Variants in PPM1B observed in about 807,000 individuals in gnomAD.
The protein encoded by PPM1B is protein phosphatase, Mg2+/Mn2+ dependent 1B, also known as protein phosphatase 1B.
PPM1B carries 22 observed loss-of-function variants against 43.0 expected under a neutral mutation model. The observed-to-expected ratio is 0.51, with a 90% CI of 0.37 to 0.73. The LOEUF (loss-of-function observed/expected upper bound fraction) is 0.73. Ranked by LOEUF, PPM1B falls within the 30% of genes least tolerant of loss-of-function variation. PPM1B has a pLI of 0.00. For missense variants in PPM1B, 632 were observed against 584.2 expected (o/e 1.08, Z -0.84); for synonymous variants, 217 against 197.9 (o/e 1.10, Z -0.81).
At chr2:44,189,177 C>A (rs1418430050) in intron 1 of PPM1B, among the ~76,000 whole-genome samples, 1 of 152,006 alleles carries the variant, frequency 6.6e-6, no homozygotes, top group Non-Finnish European at 1.5e-5. Context: ...CAGCCAGCTG[C>A]CTTTGTTTCT....
chr2:44,210,557 T>TA (rs1011827093), intron 3 of PPM1B, among the ~76,000 whole-genome samples: 1 of 152,132 alleles, frequency 6.6e-6, no homozygotes, highest in African/African-American at 2.4e-5. Context: ...GCAGAAGTAT[T>TA]ACAGGATCTC....
chr2:44,177,476 T>C (rs1473923170), intron 1 of PPM1B, among the ~76,000 whole-genome samples: 1 of 146,712 alleles, frequency 6.8e-6, no homozygotes, highest in Non-Finnish European at 1.5e-5. Flanking sequence ...TGGAGTGTAG[T>C]GGCATGATCT....
chr2:44,201,224 A>G lies in PPM1B; in HGVS notation c.25A>G (p.Lys9Glu), dbSNP rs745339589. 4 of 1,595,894 alleles carry G rather than the reference A, an allele frequency of 2.5e-6. No homozygotes were observed. The highest frequency in any genetic ancestry group is 2.6e-6 in the Non-Finnish European group (3 of 1,168,654). The change falls in exon 2 of 6, where the codon AAA becomes GAA. Residue 9 changes from lysine (K) to glutamate (E), a missense_variant. Physicochemically the swap from Lys to Glu is moderately conservative, Grantham distance 56. Coordinates refer to ENST00000282412, the MANE Select transcript of PPM1B (RefSeq NM_002706.6). This position sits in a 1 kb window ranked among gnomAD's most constrained non-coding sequence, Gnocchi z 5.4. ...CATGGGTGCATTTTTGGATAAACCC[A>G]AAACTGAAAAACATAATGCTCATGG... is the stretch of plus-strand genomic sequence containing the variant. MGAFLDKP[K>E]TEKHNAHGAG...
intron 5 of PPM1B, among the ~76,000 whole-genome samples, chr2:44,221,049 T>C (rs371295879): frequency 6.6e-6 from 1 of 152,182 alleles, no homozygotes; most frequent in African/African-American, 2.4e-5. Context: ...ACCTTATGTT[T>C]AGAGCATAAG....
chr2:44,199,994 C>G (rs570569004), intron 1 of PPM1B, among the ~76,000 whole-genome samples: 42 of 152,132 alleles, frequency 2.8e-4, no homozygotes, highest in Middle Eastern at 3.4e-3. Flanking sequence ...TTGATCTAGA[C>G]CAGTGTCTCT....
chr2:44,180,386 C>T (rs1318428963), intron 1 of PPM1B, among the ~76,000 whole-genome samples: 5 of 152,080 alleles, frequency 3.3e-5, no homozygotes, highest in African/African-American at 4.8e-5. Context: ...ATTAGTGTGT[C>T]GTCTGTCCAC....
chr2:44,206,015 CA>C (rs1005816840), intron 2 of PPM1B, among the ~76,000 whole-genome samples: 1 of 151,852 alleles, frequency 6.6e-6, no homozygotes, highest in African/African-American at 2.4e-5. Flanking sequence ...GACTCCGTGT[CA>C]AAAAAACAAA....
At chr2:44,206,174 TAATC>T (rs771733860) in intron 2 of PPM1B, among the ~76,000 whole-genome samples, 1 of 152,224 alleles carries the variant, frequency 6.6e-6, no homozygotes. Context: ...GAACATGTAA[TAATC>T]AATTTTTATA....
At chr2:44,185,779 G>A (rs779650922) in intron 1 of PPM1B, among the ~76,000 whole-genome samples, 1 of 152,160 alleles carries the variant, frequency 6.6e-6, no homozygotes, top group Admixed American at 6.5e-5. Context: ...GGACCTGGGT[G>A]TGGTCAATGC....
chr2:44,207,347 G>T (rs1669236805), intron 2 of PPM1B, among the ~76,000 whole-genome samples: 1 of 152,030 alleles, frequency 6.6e-6, no homozygotes, highest in Non-Finnish European at 1.5e-5. Flanking sequence ...CACTTGAGTT[G>T]GCAAATTTGG....
At chr2:44,232,263 A>G (rs903866579), downstream of PPM1B, 16 of 1,576,204 alleles carry the variant, frequency 1.0e-5, no homozygotes, top group African/African-American at 8.3e-5. Context: ...ATTCAATCCA[A>G]TCTGGAAGTG....
At chr2:44,205,445 A>G (rs865982255) in intron 2 of PPM1B, among the ~76,000 whole-genome samples, 12 of 147,856 alleles carry the variant, frequency 8.1e-5, no homozygotes, top group Middle Eastern at 6.9e-3. Context: ...CATTAAGACT[A>G]AATTTTTTTT....
chr2:44,219,693 C>A (rs1669883152), intron 5 of PPM1B, among the ~76,000 whole-genome samples: 1 of 152,042 alleles, frequency 6.6e-6, no homozygotes, highest in Non-Finnish European at 1.5e-5. Flanking sequence ...CCTGTAATCC[C>A]AGCAGTTTGG....
intron 3 of PPM1B, among the ~76,000 whole-genome samples, chr2:44,217,472 C>T (rs1328775424): frequency 6.7e-6 from 1 of 150,350 alleles, no homozygotes; most frequent in Non-Finnish European, 1.5e-5. Flanking sequence ...TTTTTAATTT[C>T]TCCCCTTTTT....
chr2:44,195,862 A>G (rs1558403682), intron 1 of PPM1B, among the ~76,000 whole-genome samples: 2 of 152,198 alleles, frequency 1.3e-5, no homozygotes, highest in East Asian at 3.8e-4. Context: ...AAACCAGGTG[A>G]CATGTAAGAA....
At chr2:44,193,558 TA>T (rs1233352730) in intron 1 of PPM1B, among the ~76,000 whole-genome samples, 40 of 150,756 alleles carry the variant, frequency 2.7e-4, no homozygotes, top group Non-Finnish European at 1.5e-5. Context: ...TGTACCCAGC[TA>T]ATTAAAATTT....
intron 2 of PPM1B, among the ~76,000 whole-genome samples, chr2:44,206,392 A>T (rs1400288761): frequency 6.6e-6 from 1 of 152,226 alleles, no homozygotes; most frequent in Non-Finnish European, 1.5e-5. Flanking sequence ...AGCCATCTTT[A>T]CATAGAAATA....
chr2:44,174,543 A>G (rs1379367773), intron 1 of PPM1B, among the ~76,000 whole-genome samples: 3 of 152,242 alleles, frequency 2.0e-5, no homozygotes, highest in Non-Finnish European at 2.9e-5. Flanking sequence ...TTTATAGAAA[A>G]CTTTTAAAAT....
rs371826554 is a variant in PPM1B, at chr2:44,218,465, G to GTT, written c.1077-4_1077-3dup. The GTT allele has an allele frequency of 7.0e-4, 827 of 1,189,092 alleles. No individual in the cohort carries two copies. The highest frequency in any genetic ancestry group is 1.3e-3 in the Admixed American group (51 of 39,370). 73.7% of individuals were successfully genotyped at this position (1,189,092 alleles called of 1,614,324 possible). On this transcript the variant is annotated splice_polypyrimidine_tract_variant and intron_variant, in intron 4 of 5. Coordinates refer to ENST00000282412, the MANE Select transcript of PPM1B (RefSeq NM_002706.6). The stretch of plus-strand genomic sequence containing the variant: ...GTGTAATTTAATAAAACTAAAGCAT[G>GTT]TTTTTTTTTTTTAGGCGTAATGTTA...
Sources: gnomAD v4.1 joint callset for allele counts (sites outside exome capture counted in the v4.1 genomes callset) on GRCh38, gnomAD v4.1.1 for gene constraint, Gnocchi (gnomAD v3.1) non-coding constraint, MANE v1.5 for transcripts, NCBI Gene and HGNC (gene_info 2026-07-23, HGNC 2026-07-21) for gene names.